The following USH2A variants were observed in gnomAD, a reference collection of about 807,000 sequenced individuals.
USH2A encodes the protein usherin, also known as Usher syndrome 2A (autosomal recessive, mild).
USH2A carries 443 observed loss-of-function variants against 538.9 expected under a neutral mutation model. That is an observed-to-expected ratio of 0.82 (90% CI 0.76 to 0.89). The LOEUF (loss-of-function observed/expected upper bound fraction) is 0.89. Among genes scored for constraint, USH2A ranks in the 40% least tolerant of loss-of-function variants. The pLI is 0.00. For synonymous variants in USH2A, 2,413 were observed against 2,273.5 expected (o/e 1.06, Z -1.75); for missense variants, 6,633 against 6,324.8 (o/e 1.05, Z -1.65).
chr1:215,965,670 C>T (rs1667324767), intron 36 of USH2A, among the ~76,000 whole-genome samples, 191 bp from the exon 37 acceptor site: 1 of 152,040 alleles, frequency 6.6e-6, no homozygotes, highest in African/African-American at 2.4e-5. Context: ...GCTGTTAAAG[C>T]TTAGAATTTG....
intron 15 of USH2A, among the ~76,000 whole-genome samples, chr1:216,216,956 A>G (rs1209946029): frequency 6.6e-6 from 1 of 152,146 alleles, no homozygotes; most frequent in Non-Finnish European, 1.5e-5. Context: ...AAGAATATCA[A>G]ACATATAATA....
chr1:216,148,919 A>T (rs1165768377), intron 21 of USH2A, among the ~76,000 whole-genome samples: 3 of 151,860 alleles, frequency 2.0e-5, no homozygotes, highest in Non-Finnish European at 4.4e-5. Context: ...GCAAAGCTTC[A>T]CAGACAGCCC....
intron 3 of USH2A, among the ~76,000 whole-genome samples, chr1:216,395,812 G>A (rs1426553096): frequency 6.6e-6 from 1 of 152,172 alleles, no homozygotes; most frequent in Non-Finnish European, 1.5e-5. Flanking sequence ...ACAATGCACA[G>A]GAAAGCCAGG....
At chr1:215,908,673 G>T (rs1040809283) in intron 38 of USH2A, among the ~76,000 whole-genome samples, 126 of 151,700 alleles carry the variant, frequency 8.3e-4, no homozygotes, top group African/African-American at 3.0e-3. Flanking sequence ...AACTTTATTT[G>T]CTTTACTATA....
At chr1:216,040,095 A>G (rs1558226219) in intron 32 of USH2A, among the ~76,000 whole-genome samples, 1 of 150,320 alleles carries the variant, frequency 6.7e-6, no homozygotes. Context: ...GCATGCACAC[A>G]CTCATTACAT....
At position 216,383,929 on chromosome 1, in the gene USH2A, G is replaced by A. The variant is rs549647549; in HGVS notation, c.652-18844C>T. Among the ~76,000 whole-genome samples, 100 of 142,318 alleles carry A rather than the reference G, an allele frequency of 7.0e-4. 1 individual carries two copies. Among genetic ancestry groups the A allele is most frequent in the African/African-American group, 2.5e-3 (94 of 37,250 alleles). 93.4% of individuals were successfully genotyped at this position (142,318 alleles called of 152,430 possible). ...TTGCCCAACCTGGCCTTGAAATCCT[G>A]GACTCAAGTGATCCTCCTGCGTAGG... On this transcript the variant is annotated intron_variant, in intron 3 of 71. Coordinates refer to ENST00000307340, the MANE Select transcript of USH2A (RefSeq NM_206933.4).
At chr1:216,111,891 C>G (rs180714011) in intron 21 of USH2A, among the ~76,000 whole-genome samples, 1 of 151,762 alleles carries the variant, frequency 6.6e-6, no homozygotes, top group East Asian at 1.9e-4. Context: ...TCCAATTGCT[C>G]AGAGATGGAT....
At position 215,905,168 on chromosome 1, in the gene USH2A, C is replaced by T. The variant is rs142195781; in HGVS notation, c.7301-4263G>A. ...AAGGCAAAAACAGAGGCTTTACAAACGTAGTTGGTGGCTACCAAGTCTGTG... is the reference window on the plus strand; with the variant it reads ...AAGGCAAAAACAGAGGCTTTACAAATGTAGTTGGTGGCTACCAAGTCTGTG... On this transcript the variant is annotated intron_variant, in intron 38 of 71. Transcript: ENST00000307340. Among the ~76,000 whole-genome samples the T allele has an allele frequency of 5.2e-4, 79 of 152,146 alleles. 1 individual carries two copies. The highest frequency in any genetic ancestry group is 1.6e-3 in the African/African-American group (68 of 41,538).
At chr1:216,169,524 T>C (rs1401235430) in intron 21 of USH2A, among the ~76,000 whole-genome samples, 1 of 152,058 alleles carries the variant, frequency 6.6e-6, no homozygotes, top group African/African-American at 2.4e-5. Flanking sequence ...TACTTATACC[T>C]CTCTACTAAA....
intron 50 of USH2A, among the ~76,000 whole-genome samples, chr1:215,792,615 G>T (rs553104100): frequency 6.6e-6 from 1 of 152,164 alleles, no homozygotes. Flanking sequence ...TGTCTGACGT[G>T]CACTAACTCA....
At chr1:215,785,628 G>A (rs926294845) in intron 52 of USH2A, among the ~76,000 whole-genome samples, 12 of 152,126 alleles carry the variant, frequency 7.9e-5, no homozygotes, top group African/African-American at 2.7e-4. Flanking sequence ...TGCACGTTGT[G>A]CACATGTACC....
chr1:215,847,345 T>C (rs1189190204), intron 44 of USH2A, among the ~76,000 whole-genome samples: 2 of 152,126 alleles, frequency 1.3e-5, no homozygotes, highest in Non-Finnish European at 2.9e-5. Context: ...AAATTTCATG[T>C]CAAATTATGC....
rs1656891112 is a variant in USH2A at position 215,647,507 on chromosome 1, G to A, written c.14791+15C>T. On this transcript the variant is annotated intron_variant, in intron 67 of 71. Transcript: ENST00000307340. ...CCAATCTCTCTGGCTTATGGTAGCA[G>A]CCACTTATACTCACATTCTTTTTGG... 3 of 1,613,314 alleles carry A rather than the reference G, an allele frequency of 1.9e-6. No individual in the cohort carries two copies. Among genetic ancestry groups the A allele is most frequent in the Non-Finnish European group, 2.5e-6 (3 of 1,179,854 alleles).
chr1:215,662,453 A>G (rs1657470927), intron 64 of USH2A, among the ~76,000 whole-genome samples: 1 of 152,202 alleles, frequency 6.6e-6, no homozygotes, highest in African/African-American at 2.4e-5. Flanking sequence ...TGCCAACAAC[A>G]GAAGCTTCAG....
At chr1:216,160,051 C>G (rs1028666510) in intron 21 of USH2A, among the ~76,000 whole-genome samples, 1 of 147,354 alleles carries the variant, frequency 6.8e-6, no homozygotes, top group Non-Finnish European at 1.5e-5. Flanking sequence ...TTCTCCTTTC[C>G]TTGATCACTT....
chr1:215,669,768 T>A (rs1657753213), intron 64 of USH2A, among the ~76,000 whole-genome samples: 2 of 152,242 alleles, frequency 1.3e-5, no homozygotes, highest in South Asian at 4.1e-4. Flanking sequence ...TTTATATTTT[T>A]AAATCTTATT....
chr1:215,912,321 G>T (rs896191612), intron 38 of USH2A, among the ~76,000 whole-genome samples: 1 of 151,788 alleles, frequency 6.6e-6, no homozygotes, highest in African/African-American at 2.4e-5. Context: ...GTAGTAACTT[G>T]ATAGTTTGAA....
intron 65 of USH2A, 119 bp downstream of exon 65, chr1:215,650,473 G>C: frequency 8.4e-7 from 1 of 1,197,158 alleles, no homozygotes; most frequent in Non-Finnish European, 1.2e-6. Context: ...TCACCGTAGA[G>C]CAACTGAGAA....
chr1:216,251,452 T>TTC (rs2036160776), intron 11 of USH2A, among the ~76,000 whole-genome samples: 1 of 127,324 alleles, frequency 7.9e-6, no homozygotes, highest in Non-Finnish European at 1.7e-5. Context: ...CTTTTTTTTT[T>TTC]TTTTTTTTTT....
Sources: allele counts gnomAD v4.1 joint callset (sites outside exome capture counted in the v4.1 genomes callset), GRCh38; gene constraint gnomAD v4.1.1; transcripts MANE v1.5; gene names NCBI Gene and HGNC (gene_info 2026-07-23, HGNC 2026-07-21).